PIP5K1B: variants seen among roughly 807,000 people sequenced by gnomAD.
PIP5K1B encodes the protein phosphatidylinositol-4-phosphate 5-kinase type 1 beta.
In PIP5K1B, 42 loss-of-function variants were observed where a neutral mutation model predicts 67.0. That is an observed-to-expected ratio of 0.63 (90% CI 0.49 to 0.81). The LOEUF (loss-of-function observed/expected upper bound fraction) is 0.81, where lower values mean the gene tolerates loss of function less well. Ranked by LOEUF, PIP5K1B falls within the 30% of genes least tolerant of loss-of-function variation. The pLI is 0.00. For synonymous variants in PIP5K1B, 214 were observed against 231.4 expected (o/e 0.92, Z 0.68); for missense variants, 459 against 646.3 (o/e 0.71, Z 3.14).
At chr9:68,960,537 G>A (rs1384010779) in intron 14 of PIP5K1B, among the ~76,000 whole-genome samples, 1 of 151,596 alleles carries the variant, frequency 6.6e-6, no homozygotes, top group Non-Finnish European at 1.5e-5. Context: ...AATTGAAGCC[G>A]CTAGACTAGT....
intron 14 of PIP5K1B, among the ~76,000 whole-genome samples, chr9:68,941,475 A>G (rs757680667): frequency 6.6e-6 from 1 of 152,214 alleles, no homozygotes; most frequent in Non-Finnish European, 1.5e-5. Flanking sequence ...TGTAATCAAA[A>G]TATCTCATGT....
intron 2 of PIP5K1B, among the ~76,000 whole-genome samples, chr9:68,812,100 G>A (rs529594118): frequency 2.5e-4 from 38 of 152,278 alleles, no homozygotes; most frequent in African/African-American, 7.2e-4. Flanking sequence ...AACTAAGGGC[G>A]TCACTTTTAC....
chr9:68,951,802 A>G (rs1245158616), intron 14 of PIP5K1B, among the ~76,000 whole-genome samples: 1 of 152,234 alleles, frequency 6.6e-6, no homozygotes, highest in Non-Finnish European at 1.5e-5. Context: ...GAAAAAGAGC[A>G]AGCCGTAGTC....
intron 14 of PIP5K1B, among the ~76,000 whole-genome samples, chr9:68,969,524 A>G (rs1239823999): frequency 6.6e-6 from 1 of 152,188 alleles, no homozygotes; most frequent in Non-Finnish European, 1.5e-5. Context: ...TTTTTATTCA[A>G]CAGTACTAGG....
intron 6 of PIP5K1B, among the ~76,000 whole-genome samples, chr9:68,883,152 C>T (rs1436811601): frequency 6.6e-6 from 1 of 152,202 alleles, no homozygotes; most frequent in Non-Finnish European, 1.5e-5. Context: ...ACTTCTAAAA[C>T]TCCAAGATGC....
intron 2 of PIP5K1B, chr9:68,789,325 G>A (rs924463673): frequency 4.6e-5 from 18 of 395,270 alleles, no homozygotes; most frequent in East Asian, 1.2e-4. Context: ...ATTGCCAAGC[G>A]TCTCTTCTGA....
intron 15 of PIP5K1B, among the ~76,000 whole-genome samples, chr9:68,997,104 A>G (rs140872188): frequency 0.012 from 1,839 of 152,342 alleles, 12 homozygotes; most frequent in Non-Finnish European, 0.018. Flanking sequence ...ATGTGTTTTC[A>G]GGGTAGTTAA....
intron 14 of PIP5K1B, among the ~76,000 whole-genome samples, chr9:68,951,154 G>A (rs1356710064): frequency 1.3e-5 from 2 of 152,270 alleles, no homozygotes; most frequent in East Asian, 3.9e-4. Context: ...AGTAATAAAG[G>A]TGACATGTGT....
intron 1 of PIP5K1B, among the ~76,000 whole-genome samples, chr9:68,719,065 T>C (rs1827762536): frequency 6.6e-6 from 1 of 152,226 alleles, no homozygotes; most frequent in Non-Finnish European, 1.5e-5. Context: ...AAGCTTTAGT[T>C]CTTTCTTGTT....
rs1328381840 is a variant in PIP5K1B at position 68,705,522 on chromosome 9, A to G, written c.-483A>G. 1.3e-5 allele frequency: 2 copies of G among 151,938 alleles called. No homozygotes were observed. Among genetic ancestry groups the G allele is most frequent in the Admixed American group, 6.6e-5 (1 of 15,168 alleles). The allele number at this position is 151,938 out of a possible 1,614,324, so 9.4% of individuals were successfully genotyped here. A position where few individuals can be genotyped will look rare whatever the true frequency, so the allele number is the denominator to read the frequency against. ...CACTCGTAGCCGCGCGCCCCCGCCA[A>G]GGCGCGTCCGGAGCGAGTTTGGCCC... On this transcript the variant is annotated 5_prime_UTR_variant, in exon 1 of 16. Coordinates refer to ENST00000265382, the MANE Select transcript of PIP5K1B (RefSeq NM_003558.4).
chr9:68,708,320 A>C (rs2132228912), intron 1 of PIP5K1B, among the ~76,000 whole-genome samples: 1 of 152,300 alleles, frequency 6.6e-6, no homozygotes, highest in African/African-American at 2.4e-5. Flanking sequence ...GGGTGAATGA[A>C]GTCATTCATA....
intron 2 of PIP5K1B, among the ~76,000 whole-genome samples, chr9:68,795,616 G>A (rs905780838): frequency 1.3e-5 from 2 of 152,018 alleles, no homozygotes; most frequent in African/African-American, 2.4e-5. Flanking sequence ...TGTGATATGT[G>A]TCTTAAAATA....
chr9:68,915,602 C>T (rs1012792750), intron 8 of PIP5K1B, among the ~76,000 whole-genome samples: 2 of 152,104 alleles, frequency 1.3e-5, no homozygotes, highest in Non-Finnish European at 2.9e-5. Context: ...AGAAGGATTT[C>T]CTATCACCCC....
chr9:68,735,860 G>T (rs114228979), intron 1 of PIP5K1B, among the ~76,000 whole-genome samples: 6,330 of 152,242 alleles, frequency 0.042, 433 homozygotes, highest in African/African-American at 0.14. Flanking sequence ...AGGAAGCAAG[G>T]GAATGAGCCA....
chr9:68,712,241 C>G (rs1193430617), intron 1 of PIP5K1B, among the ~76,000 whole-genome samples: 1 of 152,206 alleles, frequency 6.6e-6, no homozygotes, highest in African/African-American at 2.4e-5. Flanking sequence ...TGGACTCCCC[C>G]TTCACCTTCC....
At chr9:68,994,938 C>G (rs971186819) in intron 15 of PIP5K1B, among the ~76,000 whole-genome samples, 1 of 151,388 alleles carries the variant, frequency 6.6e-6, no homozygotes, top group African/African-American at 2.4e-5. Flanking sequence ...GAGTTCGAGA[C>G]CAGCCAAGGC....
intron 14 of PIP5K1B, among the ~76,000 whole-genome samples, chr9:68,963,024 C>A (rs921603569): frequency 2.6e-5 from 4 of 152,176 alleles, no homozygotes; most frequent in African/African-American, 9.7e-5. Context: ...TTGAAAAGAA[C>A]CTTTATCTCA....
intron 7 of PIP5K1B, among the ~76,000 whole-genome samples, chr9:68,889,683 C>T (rs1463495565): frequency 6.9e-6 from 1 of 145,066 alleles, no homozygotes; most frequent in African/African-American, 2.6e-5. Context: ...TGCAGTGAAT[C>T]GAGATCCCGC....
intron 2 of PIP5K1B, chr9:68,788,750 C>G (rs1260048641): frequency 3.7e-6 from 1 of 271,994 alleles, no homozygotes; most frequent in African/African-American, 2.3e-5. Context: ...CTATCACTCC[C>G]TCTGTGGTCT....
Sources: gnomAD v4.1 joint callset for allele counts (sites outside exome capture counted in the v4.1 genomes callset) on GRCh38, gnomAD v4.1.1 for gene constraint, MANE v1.5 for transcripts, NCBI Gene and HGNC (gene_info 2026-07-23, HGNC 2026-07-21) for gene names.